The following LHX4 variants were observed in gnomAD, a reference collection of about 807,000 sequenced individuals.
LHX4 encodes the protein LIM homeobox 4.
In LHX4, 16 loss-of-function variants were observed where a neutral mutation model predicts 39.2. The observed-to-expected ratio is 0.41, with a 90% CI of 0.28 to 0.62. The LOEUF (loss-of-function observed/expected upper bound fraction) is 0.62. LHX4 is among the 20% of genes least tolerant of loss of function. LHX4 has a pLI of 0.33. For missense variants in LHX4, 439 were observed against 511.9 expected (o/e 0.86, Z 1.37); for synonymous variants, 206 against 198.1 (o/e 1.04, Z -0.33).
intron 3 of LHX4, chr1:180,271,066 A>T: frequency 2.3e-6 from 1 of 427,336 alleles, no homozygotes; most frequent in Non-Finnish European, 4.4e-6. Context: ...TTGTCATGAC[A>T]GGGACGTGTG....
chr1:180,238,301 T>G (rs752406414), intron 1 of LHX4, among the ~76,000 whole-genome samples: 24 of 152,198 alleles, frequency 1.6e-4, no homozygotes, highest in Non-Finnish European at 3.4e-4. Context: ...GTGGGAAGGA[T>G]TCCGGAAAGC....
intron 1 of LHX4, among the ~76,000 whole-genome samples, chr1:180,238,793 C>T (rs910385231): frequency 2.0e-5 from 3 of 152,152 alleles, no homozygotes; most frequent in African/African-American, 4.8e-5. Context: ...GAACTATAAA[C>T]GGTTCAACAA....
At position 180,277,500 on chromosome 1, in the gene LHX4, C is replaced by T. The variant is rs1306445926; in HGVS notation, c.*2921C>T. ...GAATCCAGGAGCAAATTAGTTAAAA[C>T]CCCAAGTTCCAGTGGTAACTGGTAT... On this transcript the variant is annotated 3_prime_UTR_variant, in exon 6 of 6. Transcript: ENST00000263726. 1 of 152,164 alleles carries T rather than the reference C, an allele frequency of 6.6e-6. No homozygotes were observed. Among genetic ancestry groups the T allele is most frequent in the Non-Finnish European group, 1.5e-5 (1 of 68,028 alleles). The allele number at this position is 152,164 out of a possible 1,614,324, so 9.4% of individuals were successfully genotyped here.
chr1:180,255,398 GTGCACACACA>G (rs1558215468), intron 2 of LHX4, among the ~76,000 whole-genome samples: 1 of 152,060 alleles, frequency 6.6e-6, no homozygotes, highest in African/African-American at 2.4e-5. Context: ...GCACACACGC[GTGCACACACA>G]TGCACACACA....
At chr1:180,241,012 G>A (rs1222489101) in intron 1 of LHX4, among the ~76,000 whole-genome samples, 1 of 152,098 alleles carries the variant, frequency 6.6e-6, no homozygotes, top group African/African-American at 2.4e-5. Flanking sequence ...CTTTTCCTTT[G>A]GGCATTTAGT....
At chr1:180,263,418 C>T (rs1164471927) in intron 2 of LHX4, among the ~76,000 whole-genome samples, 1 of 152,196 alleles carries the variant, frequency 6.6e-6, no homozygotes, top group Admixed American at 6.5e-5. Flanking sequence ...TCTAGATACA[C>T]TGGCTCTGAC....
At chr1:180,263,344 T>C (rs540098945) in intron 2 of LHX4, among the ~76,000 whole-genome samples, 1 of 152,310 alleles carries the variant, frequency 6.6e-6, no homozygotes, top group African/African-American at 2.4e-5. Context: ...CTCTGGCTAT[T>C]CTAAGATCTG....
chr1:180,229,966 G>GGGC (rs1558204936), upstream of LHX4, among the ~76,000 whole-genome samples: 2 of 57,502 alleles, frequency 3.5e-5, 1 homozygote, highest in African/African-American at 7.7e-5. Flanking sequence ...AGGCGGGGAG[G>GGGC]GGGGGGGGGT....
At chr1:180,256,162 C>T (rs1321968342) in intron 2 of LHX4, among the ~76,000 whole-genome samples, 1 of 152,228 alleles carries the variant, frequency 6.6e-6, no homozygotes, top group Non-Finnish European at 1.5e-5. Context: ...GGCCTCTGCA[C>T]CACTGTAACT....
At chr1:180,263,749 G>A (rs533469005) in intron 2 of LHX4, among the ~76,000 whole-genome samples, 1 of 152,268 alleles carries the variant, frequency 6.6e-6, no homozygotes, top group East Asian at 1.9e-4. Context: ...TGGTGTGCTG[G>A]TGTCAGCTGG....
chr1:180,233,878 G>GA (rs1334659205), intron 1 of LHX4, among the ~76,000 whole-genome samples: 1 of 151,916 alleles, frequency 6.6e-6, no homozygotes, highest in Non-Finnish European at 1.5e-5. Flanking sequence ...GAAGCTGTAG[G>GA]AAAAAGGTAT....
chr1:180,267,103 G>A (rs1648350268), intron 3 of LHX4, among the ~76,000 whole-genome samples: 1 of 152,252 alleles, frequency 6.6e-6, no homozygotes. Flanking sequence ...TCGCCTCGCA[G>A]ACTGTGGGCT....
Position 180,266,248 on chromosome 1 carries a change from C to T in LHX4, c.249-144C>T. On this transcript the variant is annotated intron_variant, in intron 2 of 5. Coordinates refer to ENST00000263726, the MANE Select transcript of LHX4 (RefSeq NM_033343.4). The surrounding 1 kb of genome is among the most constrained non-coding windows in gnomAD (Gnocchi z 5.7). ...GAAGCTAGATGGAGGCAGAGAGGAC[C>T]AGACGGTAAGCTCTGGGTGACTGGG... 2.6e-6 allele frequency: 2 copies of T among 764,970 alleles called. No homozygotes were observed. Among genetic ancestry groups the T allele is most frequent in the East Asian group, 2.6e-5 (1 of 38,492 alleles). The allele number at this position is 764,970 out of a possible 1,614,324, so 47.4% of individuals were successfully genotyped here.
chr1:180,258,314 G>C (rs1314597591), intron 2 of LHX4, among the ~76,000 whole-genome samples: 1 of 152,224 alleles, frequency 6.6e-6, no homozygotes, highest in Non-Finnish European at 1.5e-5. Context: ...CAGCAGGGAA[G>C]CAGTGCCCGG....
At chr1:180,249,240 C>G (rs1287731084) in intron 2 of LHX4, among the ~76,000 whole-genome samples, 2 of 152,226 alleles carry the variant, frequency 1.3e-5, no homozygotes, top group Admixed American at 1.3e-4. Flanking sequence ...AGTGTTAGCT[C>G]TTAAGACTGT....
intron 5 of LHX4, chr1:180,273,063 T>C (rs1382559283): frequency 6.6e-6 from 1 of 152,210 alleles, no homozygotes; most frequent in Non-Finnish European, 1.5e-5. Context: ...CCCACCATGT[T>C]TTTTCATAAG....
Position 180,230,452 on chromosome 1 carries a change from T to A in LHX4, c.-78T>A. ...GCCTGCTTGGGGTTTTAATTATTAT[T>A]TTGAAATTTCTGAATCGAGCTAGAG... is the stretch of plus-strand genomic sequence containing the variant. On this transcript the variant is annotated 5_prime_UTR_variant, in exon 1 of 6. Coordinates refer to ENST00000263726, the MANE Select transcript of LHX4 (RefSeq NM_033343.4). The surrounding 1 kb of genome is among the most constrained non-coding windows in gnomAD (Gnocchi z 5.8). 7.9e-7 allele frequency: 1 copy of A among 1,269,190 alleles called. No homozygotes were observed. The highest frequency in any genetic ancestry group is 1.1e-6 in the Non-Finnish European group (1 of 881,970). The allele number at this position is 1,269,190 out of a possible 1,614,324, so 78.6% of individuals were successfully genotyped here.
chr1:180,248,307 C>T lies in LHX4; in HGVS notation c.99C>T (p.Cys33=). The T allele has an allele frequency of 6.2e-7, 1 of 1,614,182 alleles. No homozygotes were observed. Among genetic ancestry groups the T allele is most frequent in the African/African-American group, 1.3e-5 (1 of 75,074 alleles). ...PMQQIPQCAG[C]NQHILDKFIL... ...CAGAGATTCCCCAGTGCGCTGGCTG[C>T]AACCAGCACATCCTGGACAAGTTCA... Residue 33 remains cysteine, a synonymous_variant, in exon 2 of 6, where the codon TGC becomes TGT. Coordinates refer to ENST00000263726, the MANE Select transcript of LHX4 (RefSeq NM_033343.4).
intron 1 of LHX4, among the ~76,000 whole-genome samples, chr1:180,243,628 T>A (rs925572508): frequency 8.6e-5 from 13 of 152,028 alleles, no homozygotes; most frequent in Admixed American, 3.9e-4. Flanking sequence ...CAAGTAGGGA[T>A]GGGCGCCATC....
Sources: allele counts gnomAD v4.1 joint callset (sites outside exome capture counted in the v4.1 genomes callset), GRCh38; gene constraint gnomAD v4.1.1; non-coding constraint Gnocchi (gnomAD v3.1); transcripts MANE v1.5; gene names NCBI Gene and HGNC (gene_info 2026-07-23, HGNC 2026-07-21).